The following MAPKAP1 variants were observed in gnomAD, a reference collection of about 807,000 sequenced individuals.
The protein encoded by MAPKAP1 is MAPK associated protein 1.
Under a neutral mutation model 65.7 loss-of-function variants are expected in MAPKAP1, and 20 were observed. The observed-to-expected ratio is 0.30, with a 90% confidence interval of 0.21 to 0.44. MAPKAP1 has a LOEUF of 0.44. Ranked by LOEUF, MAPKAP1 falls within the 20% of genes least tolerant of loss-of-function variation. The pLI is 1.00. For missense variants in MAPKAP1, 423 were observed against 648.0 expected, an observed-to-expected ratio of 0.65 and a Z score of 3.77; for synonymous variants, 222 against 244.3, an observed-to-expected ratio of 0.91 and a Z score of 0.85.
At chr9:125,631,971 G>C (rs1833296105) in intron 4 of MAPKAP1, among the ~76,000 whole-genome samples, 1 of 152,122 alleles carries the variant, frequency 6.6e-6, no homozygotes, top group Non-Finnish European at 1.5e-5. Flanking sequence ...TGTAATCCCA[G>C]CACTTTGCAA....
At chr9:125,600,938 A>T (rs1486494100) in intron 4 of MAPKAP1, among the ~76,000 whole-genome samples, 1 of 152,208 alleles carries the variant, frequency 6.6e-6, no homozygotes, top group East Asian at 1.9e-4. Context: ...CCCATCACAG[A>T]GCATAAGTTT....
chr9:125,694,409 A>T (rs1835323199), intron 1 of MAPKAP1, among the ~76,000 whole-genome samples: 1 of 152,148 alleles, frequency 6.6e-6, no homozygotes, highest in Non-Finnish European at 1.5e-5. Context: ...GGACTTAAGC[A>T]CACATGCATT....
At chr9:125,607,268 C>A (rs1300019715) in intron 4 of MAPKAP1, among the ~76,000 whole-genome samples, 1 of 152,138 alleles carries the variant, frequency 6.6e-6, no homozygotes, top group Non-Finnish European at 1.5e-5. Context: ...GGAGAAATAA[C>A]TGAGAATTCT....
chr9:125,553,468 G>A (rs1830644325), intron 6 of MAPKAP1, among the ~76,000 whole-genome samples: 1 of 152,092 alleles, frequency 6.6e-6, no homozygotes, highest in African/African-American at 2.4e-5. Context: ...CTTGAGTCTG[G>A]GAGGCGGAGG....
At chr9:125,511,241 A>C (rs1039951524) in intron 7 of MAPKAP1, among the ~76,000 whole-genome samples, 2 of 152,180 alleles carry the variant, frequency 1.3e-5, no homozygotes, top group African/African-American at 4.8e-5. Flanking sequence ...AACAGCATGG[A>C]CAATCTAACT....
intron 7 of MAPKAP1, among the ~76,000 whole-genome samples, chr9:125,518,332 ATAC>A (rs143961893): frequency 0.019 from 2,966 of 152,214 alleles, 156 homozygotes; most frequent in East Asian, 0.15. Context: ...CTGTAATCCC[ATAC>A]TACATCTGTA....
intron 7 of MAPKAP1, chr9:125,512,769 G>C (rs1829339641): frequency 6.6e-6 from 1 of 152,168 alleles, no homozygotes; most frequent in African/African-American, 2.4e-5. Flanking sequence ...TTTTTTAGTA[G>C]AGACGGGGTT....
rs1199735519 is a variant in MAPKAP1, at chr9:125,438,775, G to C, written c.*112C>G. On this transcript the variant is annotated 3_prime_UTR_variant, in exon 12 of 12. Coordinates refer to ENST00000265960, the MANE Select transcript of MAPKAP1 (RefSeq NM_001006617.3). ...GAGCCCACCTGCCCTGTGCCAGTGA[G>C]CCAGGGGCTGGCCTCCCCCCGAGGA... The C allele has an allele frequency of 6.9e-7, 1 of 1,451,148 alleles. No individual in the cohort carries two copies. The highest frequency in any genetic ancestry group is 1.9e-5 in the Admixed American group (1 of 54,016). The allele number at this position is 1,451,148 out of a possible 1,614,324, so 89.9% of individuals were successfully genotyped here.
chr9:125,658,548 A>T (rs1042851254), intron 3 of MAPKAP1, among the ~76,000 whole-genome samples: 1 of 152,240 alleles, frequency 6.6e-6, no homozygotes, highest in African/African-American at 2.4e-5. Context: ...AATAAGTAAC[A>T]GAACTAGAAT....
intron 4 of MAPKAP1, among the ~76,000 whole-genome samples, chr9:125,612,641 T>C (rs1486417086): frequency 6.8e-6 from 1 of 146,220 alleles, no homozygotes; most frequent in African/African-American, 2.4e-5. Flanking sequence ...TGAACTTATG[T>C]TTTTAATTCT....
chr9:125,699,825 G>A (rs942659388), intron 1 of MAPKAP1, among the ~76,000 whole-genome samples: 3 of 151,898 alleles, frequency 2.0e-5, no homozygotes, highest in Non-Finnish European at 4.4e-5. Context: ...ATTTTGCCCA[G>A]GCTGCTCTTG....
At chr9:125,558,510 T>C (rs570629460) in intron 6 of MAPKAP1, among the ~76,000 whole-genome samples, 6 of 152,300 alleles carry the variant, frequency 3.9e-5, no homozygotes, top group South Asian at 2.1e-4. Flanking sequence ...ATATCATATG[T>C]AGCATAACCC....
intron 9 of MAPKAP1, among the ~76,000 whole-genome samples, chr9:125,474,173 GAGA>G (rs1854023704): frequency 1.3e-5 from 2 of 152,172 alleles, no homozygotes; most frequent in African/African-American, 4.8e-5. Context: ...ATTGGAGGGC[GAGA>G]AGAATTCTCC....
At chr9:125,469,039 C>G (rs1853795877) in intron 9 of MAPKAP1, among the ~76,000 whole-genome samples, 1 of 152,126 alleles carries the variant, frequency 6.6e-6, no homozygotes, top group Non-Finnish European at 1.5e-5. Flanking sequence ...TCTTTTTCCT[C>G]TTTTGCTGAA....
chr9:125,496,815 C>A (rs1854965743), intron 8 of MAPKAP1, among the ~76,000 whole-genome samples: 1 of 152,148 alleles, frequency 6.6e-6, no homozygotes, highest in South Asian at 2.1e-4. Flanking sequence ...CCCAAGTTCT[C>A]CTTAAAAGCC....
At chr9:125,676,731 G>T (rs977122739) in intron 1 of MAPKAP1, among the ~76,000 whole-genome samples, 7 of 152,176 alleles carry the variant, frequency 4.6e-5, no homozygotes, top group Non-Finnish European at 7.3e-5. Context: ...TAATGCCAAT[G>T]AACTACACAT....
chr9:125,596,124 G>C (rs1321228357), intron 4 of MAPKAP1: 2 of 799,358 alleles, frequency 2.5e-6, no homozygotes, highest in Non-Finnish European at 4.4e-6. Context: ...TGTAACCTTT[G>C]ATGGCCACGA....
chr9:125,469,659 G>A (rs369745429), intron 9 of MAPKAP1, among the ~76,000 whole-genome samples: 3 of 152,092 alleles, frequency 2.0e-5, no homozygotes, highest in African/African-American at 7.2e-5. Context: ...TTTACTAATC[G>A]AACGCTGGAA....
intron 9 of MAPKAP1, chr9:125,471,270 G>C (rs1411645914): frequency 1.3e-5 from 2 of 152,424 alleles, no homozygotes; most frequent in Admixed American, 1.3e-4. Context: ...CCAGAATCCA[G>C]CCTGGAGGCA....
Sources: gnomAD v4.1 joint callset for allele counts (sites outside exome capture counted in the v4.1 genomes callset) on GRCh38, gnomAD v4.1.1 for gene constraint, MANE v1.5 for transcripts, NCBI Gene and HGNC (gene_info 2026-07-23, HGNC 2026-07-21) for gene names.